AGAP1: variants seen among roughly 807,000 people sequenced by gnomAD.
The protein encoded by AGAP1 is arf-GAP with GTPase, ANK repeat and PH domain-containing protein 1.
In AGAP1, 29 loss-of-function variants were observed where a neutral mutation model predicts 105.3. The observed-to-expected ratio is 0.28, with a 90% CI of 0.21 to 0.38. AGAP1 has a LOEUF of 0.38. AGAP1 is among the 10% of genes least tolerant of loss of function. AGAP1 has a pLI of 1.00. For synonymous variants in AGAP1, 509 were observed against 485.9 expected (o/e 1.05, Z -0.63); for missense variants, 998 against 1,165.1 (o/e 0.86, Z 2.09).
intron 12 of AGAP1, among the ~76,000 whole-genome samples, chr2:235,948,551 G>T (rs551926208): frequency 6.6e-6 from 1 of 152,310 alleles, no homozygotes; most frequent in East Asian, 1.9e-4. Flanking sequence ...AAATTGAGAG[G>T]TGAACATTTG....
Position 235,931,495 on chromosome 2 carries a change from C to G in AGAP1, c.1483+572C>G, listed in dbSNP as rs139443249. Among the ~76,000 whole-genome samples, 1 of 152,050 alleles carries G rather than the reference C, an allele frequency of 6.6e-6. No homozygotes were observed. Among genetic ancestry groups the G allele is most frequent in the Admixed American group, 6.5e-5 (1 of 15,278 alleles). ...CAGCTTTTTGGGGAATAAGCATGCA[C>G]GTTGGAAACGATCTCGCCGTCTGTG... On this transcript the variant is annotated intron_variant, in intron 12 of 17. Coordinates refer to ENST00000304032, the MANE Select transcript of AGAP1 (RefSeq NM_001037131.3). This position sits in a 1 kb window ranked among gnomAD's most constrained non-coding sequence, Gnocchi z 5.6.
intron 16 of AGAP1, among the ~76,000 whole-genome samples, chr2:236,066,969 A>G (rs533452884): frequency 4.3e-4 from 66 of 152,334 alleles, no homozygotes; most frequent in Admixed American, 1.5e-3. Flanking sequence ...TTATCTACCA[A>G]TGATACATTT....
At chr2:236,098,899 A>G (rs1249655260) in intron 16 of AGAP1, among the ~76,000 whole-genome samples, 2 of 151,826 alleles carry the variant, frequency 1.3e-5, no homozygotes, top group African/African-American at 4.8e-5. Flanking sequence ...CTGGGATGAC[A>G]GGTGTGAGCC....
Position 235,877,841 on chromosome 2 carries a change from T to C in AGAP1, c.1051-5504T>C, listed in dbSNP as rs1415647879. Reference sequence around the variant, plus strand: ...GGTACACCCAACCACTGGTCTAAAGTGGGCCACACTTTGAGCTGGAAAGTG... The same window carrying C: ...GGTACACCCAACCACTGGTCTAAAGCGGGCCACACTTTGAGCTGGAAAGTG... On this transcript the variant is annotated intron_variant, in intron 9 of 17. Transcript: ENST00000304032. This position sits in a 1 kb window ranked among gnomAD's most constrained non-coding sequence, Gnocchi z 4.3. 6.6e-6 allele frequency among the ~76,000 whole-genome samples: 1 copy of C among 152,204 alleles called. No homozygotes were observed. The highest frequency in any genetic ancestry group is 1.5e-5 in the Non-Finnish European group (1 of 68,022).
intron 11 of AGAP1, among the ~76,000 whole-genome samples, chr2:235,911,220 G>A (rs1376794602): frequency 6.6e-6 from 1 of 152,130 alleles, no homozygotes; most frequent in East Asian, 1.9e-4. Context: ...TTTCTAACGT[G>A]TGCCTGAGTC....
rs934665328 is a variant in AGAP1 at position 235,961,880 on chromosome 2, A to C, written c.1484-6582A>C. ...AAGACTTCGTCACACACACGCACAA[A>C]AAAGTGAGATGACAGCTCATGTTTA... On this transcript the variant is annotated intron_variant, in intron 12 of 17. Transcript: ENST00000304032. The surrounding 1 kb of genome is among the most constrained non-coding windows in gnomAD (Gnocchi z 5.9). Among the ~76,000 whole-genome samples the C allele has an allele frequency of 6.6e-6, 1 of 152,198 alleles. No individual in the cohort carries two copies. The highest frequency in any genetic ancestry group is 6.5e-5 in the Admixed American group (1 of 15,284).
rs147946811 is a variant in AGAP1 at position 236,123,864 on chromosome 2, C to A, written c.2371-55C>A. On this transcript the variant is annotated intron_variant, in intron 17 of 17. Coordinates refer to ENST00000304032, the MANE Select transcript of AGAP1 (RefSeq NM_001037131.3). This position sits in a 1 kb window ranked among gnomAD's most constrained non-coding sequence, Gnocchi z 4.6. ...AGGGCTGAGAGAAAGCTTCCCTGCC[C>A]CCTCCCTCCATCACATCCCCCATGA... The A allele has an allele frequency of 2.6e-4, 418 of 1,603,234 alleles. 5 individuals carry two copies. The African/African-American group carries it at 4.8e-3, about 18-fold the overall frequency.
At chr2:235,765,411 C>T (rs6712558) in intron 6 of AGAP1, among the ~76,000 whole-genome samples, 42,380 of 151,768 alleles carry the variant, frequency 0.28, 6,198 homozygotes, top group Admixed American at 0.41. Flanking sequence ...AGGCCCGGCC[C>T]CTCCAGTGGG....
chr2:235,734,353 C>A lies in AGAP1; in HGVS notation c.311-6610C>A, dbSNP rs543031506. 6.6e-6 allele frequency among the ~76,000 whole-genome samples: 1 copy of A among 152,086 alleles called. No individual in the cohort carries two copies. The highest frequency in any genetic ancestry group is 2.4e-5 in the African/African-American group (1 of 41,418). The stretch of plus-strand genomic sequence containing the variant: ...CCAGTCTGAACCCCACAGCGCTGGG[C>A]GGTTGACGAGGTGTGGCCAGCTTGC... On this transcript the variant is annotated intron_variant, in intron 3 of 17. Transcript: ENST00000304032. The surrounding 1 kb of genome is among the most constrained non-coding windows in gnomAD (Gnocchi z 5.3).
intron 16 of AGAP1, among the ~76,000 whole-genome samples, chr2:236,103,434 G>GC (rs2059407989): frequency 6.6e-6 from 1 of 151,904 alleles, no homozygotes; most frequent in South Asian, 2.1e-4. Context: ...GCCACTCCCC[G>GC]CCCCCCACCT....
At position 235,964,217 on chromosome 2, in the gene AGAP1, G is replaced by A. The variant is rs1005223501; in HGVS notation, c.1484-4245G>A. Among the ~76,000 whole-genome samples, 1 of 152,178 alleles carries A rather than the reference G, an allele frequency of 6.6e-6. No homozygotes were observed. The highest frequency in any genetic ancestry group is 1.5e-5 in the Non-Finnish European group (1 of 68,034). ...GAGGGAAGGACGCACAGTTGGGGAT[G>A]AACATGGCCTGTCGAAATGAGAGGA... On this transcript the variant is annotated intron_variant, in intron 12 of 17. Transcript: ENST00000304032. This position sits in a 1 kb window ranked among gnomAD's most constrained non-coding sequence, Gnocchi z 4.6.
chr2:235,711,528 C>T (rs1950854641), intron 2 of AGAP1, among the ~76,000 whole-genome samples: 1 of 152,224 alleles, frequency 6.6e-6, no homozygotes, highest in South Asian at 2.1e-4. Flanking sequence ...TTAAGGCTTG[C>T]TTCAATTTGC....
chr2:235,613,080 T>G (rs1574964549), intron 1 of AGAP1, among the ~76,000 whole-genome samples: 1 of 150,024 alleles, frequency 6.7e-6, no homozygotes. Context: ...CTGGATAGAG[T>G]GCAGTGGTAC....
rs1946834997 is a variant in AGAP1, at chr2:235,631,690, TAGC to T, written c.164-77486_164-77484del. 6.6e-6 allele frequency among the ~76,000 whole-genome samples: 1 copy of T among 152,236 alleles called. No homozygotes were observed. Among genetic ancestry groups the T allele is most frequent in the African/African-American group, 2.4e-5 (1 of 41,468 alleles). On this transcript the variant is annotated intron_variant, in intron 1 of 17. Transcript: ENST00000304032. The surrounding 1 kb of genome is among the most constrained non-coding windows in gnomAD (Gnocchi z 5.4). ...AGGTGACCTTCGATGGCACGGGGGA[TAGC>T]AGTATCTGCTTCACATGGTCAGAAA... is the stretch of plus-strand genomic sequence containing the variant.
intron 5 of AGAP1, among the ~76,000 whole-genome samples, chr2:235,748,358 C>T (rs558956930): frequency 7.2e-5 from 11 of 152,226 alleles, no homozygotes; most frequent in African/African-American, 2.4e-4. Flanking sequence ...CAAAATTATC[C>T]TAGAGCATTG....
rs763538036 is a variant in AGAP1 at position 236,131,169 on chromosome 2, C to G, written c.*7047C>G. 6.6e-6 allele frequency: 1 copy of G among 152,208 alleles called. No individual in the cohort carries two copies. The highest frequency in any genetic ancestry group is 6.5e-5 in the Admixed American group (1 of 15,282). 9.4% of individuals were successfully genotyped at this position (152,208 alleles called of 1,614,324 possible). The stretch of plus-strand genomic sequence containing the variant: ...ATACATCTAATTCTCCAGACTGCAG[C>G]CCCTCTCAGCCCCGAGCACCTGAGC... On this transcript the variant is annotated 3_prime_UTR_variant, in exon 18 of 18. Coordinates refer to ENST00000304032, the MANE Select transcript of AGAP1 (RefSeq NM_001037131.3). This position sits in a 1 kb window ranked among gnomAD's most constrained non-coding sequence, Gnocchi z 5.9.
At position 236,024,031 on chromosome 2, in the gene AGAP1, T is replaced by G. The variant is rs28728091; in HGVS notation, c.1646-12530T>G. ...AGTTTGTGGTTGGTTGTTTTTTTTT[T>G]TTGTTTTTTTTTTTTTTTGGAGACA... is the stretch of plus-strand genomic sequence containing the variant. On this transcript the variant is annotated intron_variant, in intron 13 of 17. Coordinates refer to ENST00000304032, the MANE Select transcript of AGAP1 (RefSeq NM_001037131.3). 9.2e-3 allele frequency among the ~76,000 whole-genome samples: 1,064 copies of G among 115,326 alleles called. 12 individuals are homozygous for G. The highest frequency in any genetic ancestry group is 0.041 in the African/African-American group (998 of 24,532). The allele number at this position is 115,326 out of a possible 152,430, so 75.7% of individuals were successfully genotyped here.
intron 1 of AGAP1, among the ~76,000 whole-genome samples, chr2:235,520,944 A>G (rs1277907833): frequency 6.6e-6 from 1 of 152,198 alleles, no homozygotes; most frequent in African/African-American, 2.4e-5. Flanking sequence ...TTCTCTTGAC[A>G]TGACATTGAC....
rs558145671 is a variant in AGAP1, at chr2:235,555,518, G to A, written c.163+60669G>A. ...GGCATGGGGGTCACTGGCTGCAAGC[G>A]AAGGCAGCTTATGTCATGTTCCCTC... On this transcript the variant is annotated intron_variant, in intron 1 of 17. Transcript: ENST00000304032. This position sits in a 1 kb window ranked among gnomAD's most constrained non-coding sequence, Gnocchi z 5.1. 3.3e-5 allele frequency among the ~76,000 whole-genome samples: 5 copies of A among 152,330 alleles called. No homozygotes were observed. Among genetic ancestry groups the A allele is most frequent in the South Asian group, 2.1e-4 (1 of 4,814 alleles).
Sources: allele counts gnomAD v4.1 joint callset (sites outside exome capture counted in the v4.1 genomes callset), GRCh38; gene constraint gnomAD v4.1.1; non-coding constraint Gnocchi (gnomAD v3.1); transcripts MANE v1.5; gene names NCBI Gene and HGNC (gene_info 2026-07-23, HGNC 2026-07-21).